The following KIF13A variants were observed in gnomAD, a reference collection of about 807,000 sequenced individuals.
KIF13A encodes the protein kinesin-like protein KIF13A.
KIF13A carries 79 observed loss-of-function variants against 212.2 expected under a neutral mutation model. That is an observed-to-expected ratio of 0.37 (90% CI 0.31 to 0.45). KIF13A has a LOEUF of 0.45. KIF13A is among the 20% of genes least tolerant of loss of function. The probability of loss-of-function intolerance (pLI) is 1.00; values close to 1 mark genes in which losing one functional copy is unlikely to be tolerated. For missense variants in KIF13A, 1,901 were observed against 2,209.0 expected (o/e 0.86, Z 2.79); for synonymous variants, 789 against 808.6 (o/e 0.98, Z 0.41).
intron 19 of KIF13A, 140 bp downstream of exon 19, chr6:17,805,335 C>G: frequency 1.3e-6 from 1 of 779,430 alleles, no homozygotes; most frequent in South Asian, 1.9e-5. Flanking sequence ...CTTTATTTTC[C>G]TAATATAATA....
downstream of KIF13A, among the ~76,000 whole-genome samples, chr6:17,763,086 G>T (rs796907197): frequency 4.6e-5 from 7 of 152,244 alleles, no homozygotes; most frequent in African/African-American, 1.7e-4. Context: ...AATAAATGGT[G>T]GTACTTCAGA....
At position 17,776,317 on chromosome 6, in the gene KIF13A, G is replaced by C. The variant is rs539769505; in HGVS notation, c.4170+960C>G. ...GTATTCTGCTTTATACAGAATTATA[G>C]GGAATTTAGGGCTAATAATTTCTAG... On this transcript the variant is annotated intron_variant, in intron 34 of 38. Coordinates refer to ENST00000259711, the MANE Select transcript of KIF13A (RefSeq NM_022113.6). The surrounding 1 kb of genome is among the most constrained non-coding windows in gnomAD (Gnocchi z 4.6). Among the ~76,000 whole-genome samples, 3 of 152,154 alleles carry C rather than the reference G, an allele frequency of 2.0e-5. No homozygotes were observed. The East Asian group carries it at 5.8e-4, about 29-fold the overall frequency.
rs1581917837 is a variant in KIF13A at position 17,786,345 on chromosome 6, C to T, written c.3362-704G>A. On this transcript the variant is annotated intron_variant, in intron 27 of 38. Transcript: ENST00000259711. This position sits in a 1 kb window ranked among gnomAD's most constrained non-coding sequence, Gnocchi z 5.4. ...CGGGCACGGTGGCTCACGGCTGTAA[C>T]CCCAGCACTTTTGGAGGCCGAGGTG... is the stretch of plus-strand genomic sequence containing the variant. 8.6e-5 allele frequency among the ~76,000 whole-genome samples: 13 copies of T among 152,026 alleles called. No individual in the cohort carries two copies. The highest frequency in any genetic ancestry group is 8.5e-4 in the Admixed American group (13 of 15,248).
chr6:17,807,219 C>G (rs1763039518), intron 18 of KIF13A, among the ~76,000 whole-genome samples: 1 of 152,016 alleles, frequency 6.6e-6, no homozygotes, highest in Admixed American at 6.6e-5. Flanking sequence ...GGTCTGACTG[C>G]CTGCAGGGTT....
intron 17 of KIF13A, among the ~76,000 whole-genome samples, chr6:17,810,946 C>T (rs1763379205): frequency 6.6e-6 from 1 of 152,320 alleles, no homozygotes; most frequent in East Asian, 1.9e-4. Context: ...TGGTTCCTAA[C>T]AGGCCACGGA....
At chr6:17,845,101 C>CTTACAT (rs1480302338) in intron 9 of KIF13A, among the ~76,000 whole-genome samples, 1 of 152,086 alleles carries the variant, frequency 6.6e-6, no homozygotes, top group Non-Finnish European at 1.5e-5. Context: ...AAAGGCACAT[C>CTTACAT]GGTGGCAGGC....
At chr6:17,832,569 C>G (rs1305937295) in intron 12 of KIF13A, among the ~76,000 whole-genome samples, 1 of 151,628 alleles carries the variant, frequency 6.6e-6, no homozygotes, top group South Asian at 2.1e-4. Flanking sequence ...ACTGGGGAGG[C>G]GGAGGTTGCA....
At chr6:17,985,176 C>T (rs1055325114) in intron 2 of KIF13A, among the ~76,000 whole-genome samples, 3 of 152,188 alleles carry the variant, frequency 2.0e-5, no homozygotes, top group Non-Finnish European at 4.4e-5. Context: ...AGAATTAGAT[C>T]CGTCAGAAGG....
rs1772156820 is a variant in KIF13A at position 17,892,482 on chromosome 6, T to TG, written c.159+5685dup. Among the ~76,000 whole-genome samples, 1 of 152,168 alleles carries TG rather than the reference T, an allele frequency of 6.6e-6. No individual in the cohort carries two copies. The highest frequency in any genetic ancestry group is 6.5e-5 in the Admixed American group (1 of 15,276). On this transcript the variant is annotated intron_variant, in intron 3 of 38. Transcript: ENST00000259711. This position sits in a 1 kb window ranked among gnomAD's most constrained non-coding sequence, Gnocchi z 4.7. ...GACATCAAGGCCTGCCACAGCTGGGTGATACATCACTGTGCAGTGATAAGA... is the reference window on the plus strand; with the variant it reads ...GACATCAAGGCCTGCCACAGCTGGGTGGATACATCACTGTGCAGTGATAAGA...
intron 4 of KIF13A, among the ~76,000 whole-genome samples, chr6:17,866,878 T>C (rs1421128741): frequency 1.6e-5 from 2 of 121,898 alleles, no homozygotes; most frequent in Non-Finnish European, 3.6e-5. Context: ...TATATATATT[T>C]ACACACACAC....
chr6:17,903,123 G>A (rs1773190591), intron 2 of KIF13A, among the ~76,000 whole-genome samples: 1 of 152,092 alleles, frequency 6.6e-6, no homozygotes, highest in Admixed American at 6.6e-5. Flanking sequence ...AAATTGAACG[G>A]GATGTTAACA....
chr6:17,831,681 G>A (rs1293606070), intron 12 of KIF13A, among the ~76,000 whole-genome samples: 1 of 147,982 alleles, frequency 6.8e-6, no homozygotes, highest in Non-Finnish European at 1.5e-5. Context: ...TTGGGGCATG[G>A]CATACGGAAG....
At chr6:17,904,313 C>T (rs1400616995) in intron 2 of KIF13A, among the ~76,000 whole-genome samples, 1 of 150,270 alleles carries the variant, frequency 6.7e-6, no homozygotes, top group African/African-American at 2.5e-5. Context: ...GCTAAAAATA[C>T]AAAAATTAGC....
rs115621482 is a variant in KIF13A at position 17,897,482 on chromosome 6, T to C, written c.159+686A>G. 1.8e-3 allele frequency among the ~76,000 whole-genome samples: 278 copies of C among 152,266 alleles called. No homozygotes were observed. Among genetic ancestry groups the C allele is most frequent in the African/African-American group, 6.3e-3 (262 of 41,538 alleles). On this transcript the variant is annotated intron_variant, in intron 3 of 38. Coordinates refer to ENST00000259711, the MANE Select transcript of KIF13A (RefSeq NM_022113.6). The surrounding 1 kb of genome is among the most constrained non-coding windows in gnomAD (Gnocchi z 4.8). ...GTTATTCAGGGGCTGGTCATTCAGATTCCTTACTTCTCATATTCCCCCACT... is the reference window on the plus strand; with the variant it reads ...GTTATTCAGGGGCTGGTCATTCAGACTCCTTACTTCTCATATTCCCCCACT...
At chr6:17,802,939 T>TG (rs1327381024) in intron 20 of KIF13A, among the ~76,000 whole-genome samples, 1 of 138,856 alleles carries the variant, frequency 7.2e-6, no homozygotes, top group East Asian at 2.1e-4. Context: ...TTTGTTTTTT[T>TG]TTGTTTTGTT....
chr6:17,835,147 C>CTG (rs1765812838), intron 11 of KIF13A, among the ~76,000 whole-genome samples: 1 of 137,568 alleles, frequency 7.3e-6, no homozygotes, highest in Non-Finnish European at 1.5e-5. Flanking sequence ...GATGGTGCCA[C>CTG]TGCACTCCAG....
rs369561473 is a variant in KIF13A at position 17,873,448 on chromosome 6, G to A, written c.160-11C>T. ...ATCAAAGGCAAATACCTGAATGAAA[G>A]AACAAAATATTAAACTTAAAGATTA... On this transcript the variant is annotated splice_polypyrimidine_tract_variant and intron_variant, in intron 3 of 38. Transcript: ENST00000259711. 5.6e-5 allele frequency: 86 copies of A among 1,545,164 alleles called. No homozygotes were observed. The Middle Eastern group carries it at 6.7e-4, about 12-fold the overall frequency.
intron 17 of KIF13A, among the ~76,000 whole-genome samples, chr6:17,813,251 G>C (rs554969303): frequency 9.2e-5 from 14 of 152,244 alleles, no homozygotes; most frequent in Admixed American, 2.0e-4. Flanking sequence ...AGGCTGAGGC[G>C]GGCGGATCAC....
intron 9 of KIF13A, among the ~76,000 whole-genome samples, chr6:17,847,607 G>A (rs1016708349): frequency 2.6e-5 from 4 of 152,060 alleles, no homozygotes; most frequent in Non-Finnish European, 5.9e-5. Context: ...GAAACCCTAA[G>A]TTATTACAGC....
Sources: gnomAD v4.1 joint callset for allele counts (sites outside exome capture counted in the v4.1 genomes callset) on GRCh38, gnomAD v4.1.1 for gene constraint, Gnocchi (gnomAD v3.1) non-coding constraint, MANE v1.5 for transcripts, NCBI Gene and HGNC (gene_info 2026-07-23, HGNC 2026-07-21) for gene names.